The following RNF135 variants were observed in gnomAD, a reference collection of about 807,000 sequenced individuals.
RNF135 encodes the protein ring finger protein 135.
In RNF135, 46 loss-of-function variants were observed where a neutral mutation model predicts 41.9. That is an observed-to-expected ratio of 1.10 (90% confidence interval 0.87 to 1.40). The LOEUF is 1.40. RNF135 is among the 40% of genes most tolerant of loss of function. The pLI is 0.00. For synonymous variants in RNF135, 238 were observed against 223.8 expected, an observed-to-expected ratio of 1.06 and a Z score of -0.57; for missense variants, 539 against 549.8, an observed-to-expected ratio of 0.98 and a Z score of 0.20.
chr17:30,988,759 T>C (rs1907779992), intron 3 of RNF135, among the ~76,000 whole-genome samples: 1 of 147,978 alleles, frequency 6.8e-6, no homozygotes. Context: ...CTTCTTCTTT[T>C]TTTTTTTTTT....
intron 1 of RNF135, among the ~76,000 whole-genome samples, chr17:30,983,320 C>CATATATATATATATATATATATATATAT (rs1189144519): frequency 2.7e-5 from 1 of 37,076 alleles, no homozygotes; most frequent in African/African-American, 6.3e-5. Context: ...CATATATGTA[C>CATATATATATATATATATATATATATAT]ATATATATAT....
At chr17:30,984,092 T>C (rs1266785551) in intron 1 of RNF135, among the ~76,000 whole-genome samples, 1 of 152,238 alleles carries the variant, frequency 6.6e-6, no homozygotes, top group Non-Finnish European at 1.5e-5. Flanking sequence ...TCTTCCATTT[T>C]TGTGGATTGC....
At chr17:30,973,455 T>TA (rs1491473731) in intron 1 of RNF135, 2 of 149,776 alleles carry the variant, frequency 1.3e-5, no homozygotes, top group Admixed American at 6.6e-5. Flanking sequence ...GATTTACCCC[T>TA]ATGTTTTCTT....
intron 3 of RNF135, among the ~76,000 whole-genome samples, chr17:30,988,416 ATTTTTTT>A (rs56955275): frequency 2.8e-4 from 23 of 81,890 alleles, no homozygotes; most frequent in Non-Finnish European, 3.6e-4. Context: ...GCCACTTTTA[ATTTTTTT>A]TTTTTTTTTT....
At chr17:30,971,674 T>TA in intron 1 of RNF135, 1 of 1,343,986 alleles carries the variant, frequency 7.4e-7, no homozygotes, top group Non-Finnish European at 9.5e-7. Flanking sequence ...ACTTAGCTGT[T>TA]ACACAGCTTG....
At chr17:30,971,818 CTG>C in intron 1 of RNF135, 1 of 745,088 alleles carries the variant, frequency 1.3e-6, no homozygotes, top group Non-Finnish European at 1.7e-6. Flanking sequence ...GAGTCTCGCT[CTG>C]TCGCCCAGGC....
intron 1 of RNF135, among the ~76,000 whole-genome samples, chr17:30,982,381 G>T (rs1457024460): frequency 6.6e-6 from 1 of 152,170 alleles, no homozygotes; most frequent in Non-Finnish European, 1.5e-5. Context: ...ATTCAGCCCA[G>T]TTTTGCTTTG....
chr17:30,989,346 G>A (rs1379270191), intron 3 of RNF135, among the ~76,000 whole-genome samples: 2 of 152,018 alleles, frequency 1.3e-5, no homozygotes, highest in Non-Finnish European at 2.9e-5. Flanking sequence ...GCAACAGAGG[G>A]AGATCTTGTC....
chr17:30,988,386 C>T (rs1445741633), intron 3 of RNF135, among the ~76,000 whole-genome samples: 1 of 145,192 alleles, frequency 6.9e-6, no homozygotes, highest in Non-Finnish European at 1.5e-5. Context: ...TGTTATCTTA[C>T]TGCAGAGATT....
chr17:30,983,332 TATATATA>T, intron 1 of RNF135, among the ~76,000 whole-genome samples: 2 of 34,560 alleles, frequency 5.8e-5, no homozygotes, highest in African/African-American at 9.5e-5. Context: ...TATATATATA[TATATATA>T]TATATATATA....
At position 30,971,097 on chromosome 17, in the gene RNF135, C is replaced by G. The variant is rs567029339; in HGVS notation, c.24C>G (p.Ser8=). Residue 8 remains serine, a synonymous_variant, in exon 1 of 5, where the codon TCC becomes TCG. Coordinates refer to ENST00000328381, the MANE Select transcript of RNF135 (RefSeq NM_032322.4). ...CCATGGCGGGCCTGGGCCTGGGCTC[C>G]GCCGTTCCCGTGTGGCTGGCCGAGG... The part of the protein sequence containing the change: MAGLGLG[S]AVPVWLAEDD... 30 of 1,534,366 alleles carry G rather than the reference C, an allele frequency of 2.0e-5. No homozygotes were observed. Among genetic ancestry groups the G allele is most frequent in the Non-Finnish European group, 2.5e-5 (29 of 1,146,134 alleles).
At chr17:30,979,895 GC>G (rs1906908437) in intron 1 of RNF135, among the ~76,000 whole-genome samples, 1 of 126,768 alleles carries the variant, frequency 7.9e-6, no homozygotes, top group African/African-American at 3.1e-5. Context: ...GGGGCGGCTG[GC>G]CGGGCAGAGG....
intron 3 of RNF135, among the ~76,000 whole-genome samples, chr17:30,995,204 G>T (rs1286415032): frequency 6.6e-6 from 1 of 150,732 alleles, no homozygotes; most frequent in African/African-American, 2.4e-5. Flanking sequence ...TGGCTAACAC[G>T]GTGAAACCCC....
At chr17:30,998,131 G>A (rs1185316039) in intron 4 of RNF135, among the ~76,000 whole-genome samples, 1 of 152,184 alleles carries the variant, frequency 6.6e-6, no homozygotes, top group Non-Finnish European at 1.5e-5. Flanking sequence ...GGCTGGTCTT[G>A]ACCTCCTGGC....
intron 1 of RNF135, among the ~76,000 whole-genome samples, chr17:30,973,847 G>A (rs541593019): frequency 6.6e-6 from 1 of 152,222 alleles, no homozygotes; most frequent in South Asian, 2.1e-4. Flanking sequence ...TGTGAATTAG[G>A]GGTCCAACTT....
At chr17:30,979,771 TCCC>T (rs1281089386) in intron 1 of RNF135, among the ~76,000 whole-genome samples, 1 of 41,964 alleles carries the variant, frequency 2.4e-5, no homozygotes, top group African/African-American at 8.7e-5. Context: ...CTGACCCCCC[TCCC>T]CCCTCCCGGA....
chr17:30,982,150 C>T (rs1487206326), intron 1 of RNF135, among the ~76,000 whole-genome samples: 1 of 152,170 alleles, frequency 6.6e-6, no homozygotes, highest in Non-Finnish European at 1.5e-5. Context: ...CACCCAGGCT[C>T]GGGGCCGGTC....
intron 1 of RNF135, among the ~76,000 whole-genome samples, chr17:30,981,362 G>GAGGGAT (rs1907142736): frequency 6.6e-6 from 1 of 151,682 alleles, no homozygotes; most frequent in African/African-American, 2.4e-5. Context: ...GGGAGAGGGA[G>GAGGGAT]AGGGAGAGGG....
chr17:30,999,211 A>G lies in RNF135; in HGVS notation c.*20A>G, dbSNP rs756676594. On this transcript the variant is annotated 3_prime_UTR_variant, in exon 5 of 5. Transcript: ENST00000328381. ...GTGTAAGGTTTCCTAAGGGATTACAACACAGTGGTTTCCTGGTCTCTCTCC... is the reference window on the plus strand; with the variant it reads ...GTGTAAGGTTTCCTAAGGGATTACAGCACAGTGGTTTCCTGGTCTCTCTCC... 3.7e-6 allele frequency: 6 copies of G among 1,609,296 alleles called. No homozygotes were observed. Among genetic ancestry groups the G allele is most frequent in the Admixed American group, 1.7e-5 (1 of 60,018 alleles).
Sources: gnomAD v4.1 joint callset for allele counts (sites outside exome capture counted in the v4.1 genomes callset) on GRCh38, gnomAD v4.1.1 for gene constraint, MANE v1.5 for transcripts, NCBI Gene and HGNC (gene_info 2026-07-23, HGNC 2026-07-21) for gene names.